Variants in CUBN observed in about 807,000 individuals in gnomAD.
CUBN encodes cubilin, also known as 460 kDa receptor.
A neutral mutation model predicts 405.3 loss-of-function variants in CUBN; 282 were observed. The ratio of observed to expected loss-of-function variants is 0.70; its 90% CI spans 0.63 to 0.77. The LOEUF (loss-of-function observed/expected upper bound fraction) is 0.77. Among genes scored for constraint, CUBN ranks in the 30% least tolerant of loss-of-function variants. The probability of loss-of-function intolerance (pLI) is 0.00; values close to 1 mark genes in which losing one functional copy is unlikely to be tolerated. For missense variants in CUBN, 4,514 were observed against 4,475.2 expected, an observed-to-expected ratio of 1.01 and a Z score of -0.25; for synonymous variants, 1,684 against 1,617.0, an observed-to-expected ratio of 1.04 and a Z score of -0.99.
chr10:16,928,052 T>C, intron 41 of CUBN, 105 bp downstream of exon 41: 5 of 1,304,234 alleles, frequency 3.8e-6, no homozygotes, highest in Non-Finnish European at 5.5e-6. Flanking sequence ...CTCTGACTTG[T>C]CTTGTGTCCT....
intron 45 of CUBN, among the ~76,000 whole-genome samples, chr10:16,917,053 C>G (rs1008198978): frequency 2.0e-5 from 3 of 152,044 alleles, no homozygotes; most frequent in Non-Finnish European, 4.4e-5. Context: ...ACCTCGTGAT[C>G]CACCTGCCTT....
chr10:16,995,897 CAAT>C (rs1468024466), intron 28 of CUBN, among the ~76,000 whole-genome samples: 1 of 152,116 alleles, frequency 6.6e-6, no homozygotes, highest in East Asian at 1.9e-4. Flanking sequence ...AGGCAGGTAA[CAAT>C]GATGTCAGGC....
intron 16 of CUBN, among the ~76,000 whole-genome samples, chr10:17,084,919 T>C (rs1395115755): frequency 6.6e-6 from 1 of 152,142 alleles, no homozygotes; most frequent in African/African-American, 2.4e-5. Context: ...TGGCACCAGA[T>C]TCCGTGGAAA....
rs182141189 is a variant in CUBN, at chr10:16,848,758, G to C, written c.9663+2477C>G. Among the ~76,000 whole-genome samples the C allele has an allele frequency of 2.9e-3, 384 of 132,354 alleles. 4 individuals carry two copies. Among genetic ancestry groups the C allele is most frequent in the African/African-American group, 0.01 (353 of 34,774 alleles). The allele number at this position is 132,354 out of a possible 152,430, so 86.8% of individuals were successfully genotyped here. A position where few individuals can be genotyped will look rare whatever the true frequency, so the allele number is the denominator to read the frequency against. On this transcript the variant is annotated intron_variant, in intron 60 of 66. Transcript: ENST00000377833. ...ACTCTGTTGCCCAGGCTGGTGTGCA[G>C]TGATGCAATCACGACTGACTGCAGC...
At chr10:16,920,254 G>T in intron 43 of CUBN, 117 bp from the exon 44 acceptor site, 1 of 1,038,256 alleles carries the variant, frequency 9.6e-7, no homozygotes, top group Non-Finnish European at 1.5e-6. Context: ...CCTTTCATCT[G>T]TTATGATCCT....
intron 3 of CUBN, among the ~76,000 whole-genome samples, chr10:17,127,264 C>CTT (rs34414528): frequency 0.041 from 3,380 of 82,610 alleles, 166 homozygotes; most frequent in African/African-American, 0.12. Flanking sequence ...CTCTCTCTTT[C>CTT]TTTTTTTTTT....
intron 26 of CUBN, 94 bp downstream of exon 26, chr10:17,043,733 A>G: frequency 1.3e-6 from 2 of 1,545,972 alleles, no homozygotes; most frequent in Admixed American, 1.7e-5. Flanking sequence ...CAGCGAGTAT[A>G]CATACTTACT....
chr10:16,903,905 A>G, intron 51 of CUBN, 61 bp downstream of exon 51: 9 of 1,161,634 alleles, frequency 7.7e-6, no homozygotes, highest in South Asian at 6.1e-5. Flanking sequence ...TGAAATCTTT[A>G]TGGAAAAAAA....
intron 7 of CUBN, among the ~76,000 whole-genome samples, chr10:17,115,145 G>A (rs1836862111): frequency 6.6e-6 from 1 of 151,388 alleles, no homozygotes; most frequent in African/African-American, 2.4e-5. Flanking sequence ...TCAGGAGGCT[G>A]AGTCACGAGA....
At chr10:17,041,360 G>A in intron 26 of CUBN, 140 bp from the exon 27 acceptor site, 4 of 677,616 alleles carry the variant, frequency 5.9e-6, no homozygotes, top group Non-Finnish European at 7.9e-6. Context: ...ATATGTGTGT[G>A]TATATATACA....
At chr10:16,873,479 T>C (rs900883014) in intron 58 of CUBN, among the ~76,000 whole-genome samples, 2 of 152,104 alleles carry the variant, frequency 1.3e-5, no homozygotes, top group Non-Finnish European at 1.5e-5. Flanking sequence ...CCCAGCACCA[T>C]GGGAGGCCGA....
chr10:16,877,375 G>A (rs1238149574), intron 56 of CUBN, among the ~76,000 whole-genome samples: 2 of 152,090 alleles, frequency 1.3e-5, no homozygotes, highest in African/African-American at 4.8e-5. Flanking sequence ...CTTTAACTCA[G>A]TGACTGTAAA....
intron 59 of CUBN, 86 bp downstream of exon 59, chr10:16,869,550 G>C (rs1840286212): frequency 1.0e-6 from 1 of 971,130 alleles, no homozygotes; most frequent in African/African-American, 1.8e-5. Context: ...TCATAATCAG[G>C]TGGGGGTGGG....
chr10:17,048,559 C>A (rs1485315663), intron 22 of CUBN, among the ~76,000 whole-genome samples: 1 of 151,866 alleles, frequency 6.6e-6, no homozygotes, highest in Non-Finnish European at 1.5e-5. Flanking sequence ...CTCACTGCAA[C>A]CTCTGCCCCC....
At chr10:17,094,753 A>G (rs1340410003) in intron 14 of CUBN, among the ~76,000 whole-genome samples, 1 of 151,976 alleles carries the variant, frequency 6.6e-6, no homozygotes, top group African/African-American at 2.4e-5. Flanking sequence ...AAAAAAGAAA[A>G]TATTTGGTGT....
At chr10:16,908,510 A>C (rs1297509903) in intron 48 of CUBN, among the ~76,000 whole-genome samples, 1 of 152,218 alleles carries the variant, frequency 6.6e-6, no homozygotes, top group African/African-American at 2.4e-5. Flanking sequence ...AATTAAACAT[A>C]ATAGTTCTTT....
At chr10:16,841,618 G>A (rs755500697) in intron 60 of CUBN, among the ~76,000 whole-genome samples, 6 of 152,048 alleles carry the variant, frequency 3.9e-5, no homozygotes, top group Non-Finnish European at 5.9e-5. Flanking sequence ...CACTTTGTTC[G>A]ATTCCGCTTC....
chr10:16,911,953 A>G (rs1436557382), intron 48 of CUBN, among the ~76,000 whole-genome samples: 2 of 152,220 alleles, frequency 1.3e-5, no homozygotes, highest in African/African-American at 4.8e-5. Flanking sequence ...AGAGATGAGA[A>G]AATGAATCAA....
At chr10:16,863,479 C>A (rs1453065432) in intron 59 of CUBN, among the ~76,000 whole-genome samples, 1 of 152,176 alleles carries the variant, frequency 6.6e-6, no homozygotes, top group Admixed American at 6.5e-5. Flanking sequence ...TATAATTCAA[C>A]TTCCTTATTA....
Sources: allele counts gnomAD v4.1 joint callset (sites outside exome capture counted in the v4.1 genomes callset), GRCh38; gene constraint gnomAD v4.1.1; transcripts MANE v1.5; gene names NCBI Gene and HGNC (gene_info 2026-07-23, HGNC 2026-07-21).